The following ANKRD31 variants were observed in gnomAD, a reference collection of about 807,000 sequenced individuals.
The protein encoded by ANKRD31 is ankyrin repeat domain-containing protein 31.
A neutral mutation model predicts 186.0 loss-of-function variants in ANKRD31; 147 were observed. That is an observed-to-expected ratio of 0.79 (90% CI 0.69 to 0.91). ANKRD31 has a LOEUF of 0.91. ANKRD31 is among the 40% of genes least tolerant of loss of function. The pLI is 0.00. For missense variants in ANKRD31, 1,986 were observed against 2,148.8 expected (o/e 0.92, Z 1.50); for synonymous variants, 673 against 736.4 (o/e 0.91, Z 1.39).
intron 11 of ANKRD31, among the ~76,000 whole-genome samples, chr5:75,157,793 CT>C (rs1752288952): frequency 6.6e-6 from 1 of 152,132 alleles, no homozygotes; most frequent in East Asian, 1.9e-4. Context: ...AATGCTCTGT[CT>C]GCAGAAACAC....
At chr5:75,153,368 C>T (rs1282555800) in intron 12 of ANKRD31, among the ~76,000 whole-genome samples, 3 of 152,082 alleles carry the variant, frequency 2.0e-5, no homozygotes, top group African/African-American at 7.2e-5. Context: ...TTCGTTGTTA[C>T]ATACTGATAG....
At chr5:75,188,333 C>T (rs1754873646) in intron 10 of ANKRD31, among the ~76,000 whole-genome samples, 160 bp downstream of exon 10, 1 of 152,124 alleles carries the variant, frequency 6.6e-6, no homozygotes, top group Non-Finnish European at 1.5e-5. Context: ...GCCCTCTTCC[C>T]TGAAAGATAA....
chr5:75,175,130 C>T (rs916653177), intron 10 of ANKRD31, among the ~76,000 whole-genome samples: 5 of 152,272 alleles, frequency 3.3e-5, no homozygotes, highest in African/African-American at 1.2e-4. Context: ...ATCACAAGGA[C>T]AGAAAACCAA....
At chr5:75,232,394 G>A (rs901334743) in intron 1 of ANKRD31, among the ~76,000 whole-genome samples, 1 of 152,068 alleles carries the variant, frequency 6.6e-6, no homozygotes, top group African/African-American at 2.4e-5. Flanking sequence ...CTCCCAAGTA[G>A]CTGAGATTAC....
chr5:75,191,295 G>A (rs961555921), intron 9 of ANKRD31, among the ~76,000 whole-genome samples: 4 of 151,928 alleles, frequency 2.6e-5, no homozygotes, highest in South Asian at 2.1e-4. Flanking sequence ...TATCTTTCCC[G>A]TATCTCACTG....
At chr5:75,200,496 C>G (rs1337823663) in intron 5 of ANKRD31, among the ~76,000 whole-genome samples, 1 of 151,430 alleles carries the variant, frequency 6.6e-6, no homozygotes, top group African/African-American at 2.4e-5. Flanking sequence ...CAGGGTTTCA[C>G]CATGTTGGCC....
chr5:75,176,171 C>G (rs1476328418), intron 10 of ANKRD31, among the ~76,000 whole-genome samples: 1 of 152,156 alleles, frequency 6.6e-6, no homozygotes, highest in Non-Finnish European at 1.5e-5. Flanking sequence ...TGCAAGGTGG[C>G]AGTGAGGCTG....
intron 2 of ANKRD31, among the ~76,000 whole-genome samples, chr5:75,226,550 G>A (rs1335922371): frequency 6.6e-6 from 1 of 152,072 alleles, no homozygotes; most frequent in East Asian, 1.9e-4. Flanking sequence ...TACCTAAGGA[G>A]CTCGAACAAC....
Position 75,104,581 on chromosome 5 carries a change from T to G in ANKRD31, c.4978A>C (p.Asn1660His). 6.5e-7 allele frequency: 1 copy of G among 1,536,284 alleles called. No homozygotes were observed. Among genetic ancestry groups the G allele is most frequent in the Non-Finnish European group, 8.7e-7 (1 of 1,146,560 alleles). The change falls in exon 22 of 26, where the codon AAT (asparagine) becomes CAT (histidine). Residue 1660 changes from asparagine (N) to histidine (H), a missense_variant. Asn to His is a moderately conservative substitution (Grantham distance 68). Transcript: ENST00000506364. ...GAAAGGTCCTGATCACAAATAATAT[T>G]TGATGGATGGGCAGCATTTTCGGCA... ...VLAENAAHPSNIICDQDLSNY... is the reference protein window; with the variant it reads ...VLAENAAHPSHIICDQDLSNY...
intron 3 of ANKRD31, among the ~76,000 whole-genome samples, chr5:75,217,342 G>A (rs1226002200): frequency 2.0e-5 from 3 of 152,108 alleles, no homozygotes; most frequent in African/African-American, 7.2e-5. Flanking sequence ...CAGTATTATG[G>A]TGTGGGAGTC....
intron 25 of ANKRD31, among the ~76,000 whole-genome samples, chr5:75,075,739 C>G (rs1344342011): frequency 2.0e-5 from 3 of 152,154 alleles, no homozygotes; most frequent in Non-Finnish European, 4.4e-5. Flanking sequence ...CTTTCCAACA[C>G]TAGTTTTGCT....
chr5:75,091,096 T>C (rs949103692), intron 23 of ANKRD31, among the ~76,000 whole-genome samples, 165 bp downstream of exon 23: 2 of 152,214 alleles, frequency 1.3e-5, no homozygotes, highest in Non-Finnish European at 2.9e-5. Context: ...GTTCATTCTG[T>C]GACATGCATG....
intron 2 of ANKRD31, among the ~76,000 whole-genome samples, chr5:75,229,684 G>A (rs1757824472): frequency 6.6e-6 from 1 of 151,850 alleles, no homozygotes; most frequent in African/African-American, 2.4e-5. Context: ...GGCCAATATG[G>A]TGAAACCCCG....
intron 22 of ANKRD31, among the ~76,000 whole-genome samples, chr5:75,101,464 G>A (rs775709137): frequency 2.0e-5 from 3 of 152,050 alleles, no homozygotes; most frequent in Non-Finnish European, 2.9e-5. Flanking sequence ...AAATTTGAAC[G>A]TTGGTCTGCC....
At chr5:75,231,762 C>G (rs1460948472) in intron 1 of ANKRD31, among the ~76,000 whole-genome samples, 1 of 152,112 alleles carries the variant, frequency 6.6e-6, no homozygotes, top group African/African-American at 2.4e-5. Context: ...AAGCCAGGTA[C>G]TATCACTCAC....
At chr5:75,183,018 A>C (rs2335134) in intron 10 of ANKRD31, among the ~76,000 whole-genome samples, 74,895 of 151,934 alleles carry the variant, frequency 0.49, 20,854 homozygotes, top group African/African-American at 0.77. Flanking sequence ...AACAAAATAC[A>C]AGCAAACTGA....
chr5:75,086,890 T>C (rs1054547691), intron 23 of ANKRD31, among the ~76,000 whole-genome samples: 6 of 151,258 alleles, frequency 4.0e-5, no homozygotes, highest in Admixed American at 1.3e-4. Context: ...TGTGCACGCA[T>C]GTGCATACAC....
chr5:75,122,734 C>T (rs1184285310), intron 17 of ANKRD31, among the ~76,000 whole-genome samples: 2 of 151,936 alleles, frequency 1.3e-5, no homozygotes, highest in African/African-American at 2.4e-5. Context: ...TTGAACATCC[C>T]CTCATGATAA....
chr5:75,125,962 A>G (rs1749220564), intron 17 of ANKRD31, among the ~76,000 whole-genome samples: 1 of 152,230 alleles, frequency 6.6e-6, no homozygotes, highest in South Asian at 2.1e-4. Flanking sequence ...GAGACATTCT[A>G]CCATCACAAA....
Sources: allele counts gnomAD v4.1 joint callset (sites outside exome capture counted in the v4.1 genomes callset), GRCh38; gene constraint gnomAD v4.1.1; transcripts MANE v1.5; gene names NCBI Gene and HGNC (gene_info 2026-07-23, HGNC 2026-07-21).